Variants in CPQ observed in about 807,000 individuals in gnomAD.
CPQ encodes carboxypeptidase Q.
CPQ carries 37 observed loss-of-function variants against 45.7 expected under a neutral mutation model. The ratio of observed to expected loss-of-function variants is 0.81; its 90% confidence interval spans 0.62 to 1.07. The LOEUF is 1.07. CPQ is among the 50% of genes least tolerant of loss of function. CPQ has a pLI of 0.00. For synonymous variants in CPQ, 186 were observed against 205.8 expected (o/e 0.90, Z 0.82); for missense variants, 537 against 572.9 (o/e 0.94, Z 0.64).
At chr8:96,880,762 TG>T (rs1198477409) in intron 4 of CPQ, among the ~76,000 whole-genome samples, 1 of 151,232 alleles carries the variant, frequency 6.6e-6, no homozygotes, top group African/African-American at 2.4e-5. Context: ...GAATAGGCAA[TG>T]GGGGCTCCAA....
chr8:96,973,900 T>C (rs1449670141), intron 5 of CPQ, among the ~76,000 whole-genome samples: 2 of 152,130 alleles, frequency 1.3e-5, no homozygotes, highest in East Asian at 3.8e-4. Context: ...CCTTGAAATA[T>C]ACCAAAATAG....
intron 1 of CPQ, among the ~76,000 whole-genome samples, chr8:96,700,851 C>A (rs1809449350): frequency 6.6e-6 from 1 of 152,158 alleles, no homozygotes; most frequent in Non-Finnish European, 1.5e-5. Flanking sequence ...CAGGCCTGAC[C>A]TGAAGCTTGG....
intron 7 of CPQ, among the ~76,000 whole-genome samples, chr8:97,087,815 T>A (rs891247087): frequency 6.6e-6 from 1 of 152,230 alleles, no homozygotes; most frequent in Non-Finnish European, 1.5e-5. Flanking sequence ...ATATTTTATA[T>A]TCATAGTCTG....
At chr8:96,811,282 A>G (rs1216133685) in intron 2 of CPQ, among the ~76,000 whole-genome samples, 1 of 152,286 alleles carries the variant, frequency 6.6e-6, no homozygotes, top group South Asian at 2.1e-4. Flanking sequence ...TATCTTGATT[A>G]TAGAAGAATG....
At chr8:96,678,676 A>C (rs1225222818) in intron 1 of CPQ, among the ~76,000 whole-genome samples, 1 of 150,008 alleles carries the variant, frequency 6.7e-6, no homozygotes, top group East Asian at 1.9e-4. Context: ...ATTTTTTCAT[A>C]TACATGTTTT....
At chr8:97,035,319 A>T (rs1191432502) in intron 6 of CPQ, among the ~76,000 whole-genome samples, 2 of 152,176 alleles carry the variant, frequency 1.3e-5, no homozygotes, top group Non-Finnish European at 2.9e-5. Flanking sequence ...AGCTATTATA[A>T]ATGAAGTTAC....
At chr8:96,649,786 T>TA (rs995448133) in intron 1 of CPQ, among the ~76,000 whole-genome samples, 1 of 152,202 alleles carries the variant, frequency 6.6e-6, no homozygotes, top group African/African-American at 2.4e-5. Flanking sequence ...ATAACTCACT[T>TA]AAAAAATACA....
chr8:97,039,171 T>G (rs926649961), intron 6 of CPQ, among the ~76,000 whole-genome samples: 22 of 152,210 alleles, frequency 1.4e-4, no homozygotes, highest in Admixed American at 2.6e-4. Context: ...ACAGGCATAA[T>G]TACCTTGTTG....
chr8:96,758,756 A>G (rs1289201330), intron 1 of CPQ, among the ~76,000 whole-genome samples: 2 of 152,032 alleles, frequency 1.3e-5, no homozygotes, highest in Non-Finnish European at 2.9e-5. Flanking sequence ...AATTTATCCT[A>G]GGCAGTTGAA....
At chr8:97,023,769 G>T (rs1456919904) in intron 5 of CPQ, among the ~76,000 whole-genome samples, 1 of 152,116 alleles carries the variant, frequency 6.6e-6, no homozygotes, top group Non-Finnish European at 1.5e-5. Flanking sequence ...GGGCTTATTA[G>T]CAGGAAGGCT....
At chr8:96,963,166 A>T (rs1813489872) in intron 4 of CPQ, among the ~76,000 whole-genome samples, 1 of 152,206 alleles carries the variant, frequency 6.6e-6, no homozygotes, top group African/African-American at 2.4e-5. Flanking sequence ...AGCTTCCTTG[A>T]CTTAGTTGTT....
Position 96,990,971 on chromosome 8 carries a change from A to G in CPQ, c.961+24925A>G, listed in dbSNP as rs147945008. ...CCTGAAACAACAGCCAAGAAAGGAA[A>G]GGACTCAAGGTCACCTCTGGAATCA... On this transcript the variant is annotated intron_variant, in intron 5 of 7. Coordinates refer to ENST00000220763, the MANE Select transcript of CPQ (RefSeq NM_016134.4). Among the ~76,000 whole-genome samples, 816 of 152,314 alleles carry G rather than the reference A, an allele frequency of 5.4e-3. 3 individuals carry two copies. The highest frequency in any genetic ancestry group is 8.1e-3 in the Non-Finnish European group (554 of 68,026).
intron 4 of CPQ, among the ~76,000 whole-genome samples, chr8:96,961,992 A>G (rs1008223933): frequency 1.3e-5 from 2 of 152,162 alleles, no homozygotes; most frequent in Admixed American, 1.3e-4. Context: ...GCTTGTCCTC[A>G]GGCTGCTGTC....
At chr8:96,922,017 T>C (rs1812815225) in intron 4 of CPQ, among the ~76,000 whole-genome samples, 3 of 152,152 alleles carry the variant, frequency 2.0e-5, no homozygotes, top group Non-Finnish European at 4.4e-5. Flanking sequence ...TCACCAAAAA[T>C]TTTACTTTAA....
intron 3 of CPQ, among the ~76,000 whole-genome samples, chr8:96,856,671 A>C (rs1476863635): frequency 1.3e-5 from 2 of 152,204 alleles, no homozygotes. Context: ...AGAGGAGAAC[A>C]AGACAGAGAT....
chr8:96,946,508 G>A (rs1004785786), intron 4 of CPQ, among the ~76,000 whole-genome samples: 1 of 151,736 alleles, frequency 6.6e-6, no homozygotes, highest in Non-Finnish European at 1.5e-5. Flanking sequence ...GTGCAGGTTA[G>A]TTACATATGT....
In CPQ at chr8:96,950,243, A is replaced by G. The variant is rs576960808; in HGVS notation, c.850-15692A>G. On this transcript the variant is annotated intron_variant, in intron 4 of 7. Coordinates refer to ENST00000220763, the MANE Select transcript of CPQ (RefSeq NM_016134.4). ...AATGGGTTTATGTGACTAAAATTGTAAAGGTCAGGGGAATTAATGGGAAAT... is the reference window on the plus strand; with the variant it reads ...AATGGGTTTATGTGACTAAAATTGTGAAGGTCAGGGGAATTAATGGGAAAT... Among the ~76,000 whole-genome samples the G allele has an allele frequency of 1.3e-3, 198 of 152,268 alleles. 3 individuals carry two copies. Among genetic ancestry groups the G allele is most frequent in the Non-Finnish European group, 3.2e-4 (22 of 67,998 alleles).
At chr8:97,068,014 G>A (rs915628148) in intron 7 of CPQ, among the ~76,000 whole-genome samples, 1 of 152,186 alleles carries the variant, frequency 6.6e-6, no homozygotes, top group Non-Finnish European at 1.5e-5. Context: ...GACTGTGGGT[G>A]AATGAGAGTG....
intron 1 of CPQ, among the ~76,000 whole-genome samples, chr8:96,692,275 A>T (rs745517278): frequency 2.1e-4 from 32 of 152,204 alleles, no homozygotes; most frequent in Non-Finnish European, 4.3e-4. Flanking sequence ...GTAGGTGTGT[A>T]ATAGAACTAT....
Sources: allele counts gnomAD v4.1 joint callset (sites outside exome capture counted in the v4.1 genomes callset), GRCh38; gene constraint gnomAD v4.1.1; transcripts MANE v1.5; gene names NCBI Gene and HGNC (gene_info 2026-07-23, HGNC 2026-07-21).